Variants in TNXB observed in about 807,000 individuals in gnomAD.
The protein encoded by TNXB is tenascin XB, also known as tenascin-X.
TNXB carries 183 observed loss-of-function variants against 340.5 expected under a neutral mutation model. The ratio of observed to expected loss-of-function variants is 0.54; its 90% CI spans 0.48 to 0.61. The LOEUF (loss-of-function observed/expected upper bound fraction) is 0.61, where lower values mean the gene tolerates loss of function less well. Among genes scored for constraint, TNXB ranks in the 20% least tolerant of loss-of-function variants. The probability of loss-of-function intolerance (pLI) is 0.00; values close to 1 mark genes in which losing one functional copy is unlikely to be tolerated. For missense variants in TNXB, 4,613 were observed against 5,446.4 expected (o/e 0.85, Z 4.82); for synonymous variants, 2,121 against 2,314.5 (o/e 0.92, Z 2.40).
At chr6:32,088,448 G>C (rs1779916333) in intron 6 of TNXB, among the ~76,000 whole-genome samples, 1 of 152,140 alleles carries the variant, frequency 6.6e-6, no homozygotes. Flanking sequence ...AGTCCCACAA[G>C]ATCTATCAGC....
In TNXB at chr6:32,097,109, G is replaced by A. The variant is rs1331944117; in HGVS notation, c.744C>T (p.Ser248=). The change falls in exon 3 of 44, where the codon TCC becomes TCT. Residue 248 remains serine, a synonymous_variant. Coordinates refer to ENST00000644971, the MANE Select transcript of TNXB (RefSeq NM_001365276.2). This position sits in a 1 kb window ranked among gnomAD's most constrained non-coding sequence, Gnocchi z 5.9. The stretch of plus-strand genomic sequence containing the variant: ...CCCTCTGGCTGCAACCTCGAGGGCA[G>A]GAGCGCTGGCTGCAGTCGGGGCCTG... The part of the protein sequence containing the change: ...GFSGPDCSQR[S]CPRGCSQRGR... 1.9e-6 allele frequency: 3 copies of A among 1,612,544 alleles called. No homozygotes were observed. Among genetic ancestry groups the A allele is most frequent in the Admixed American group, 1.7e-5 (1 of 59,842 alleles).
rs1779326829 is a variant in TNXB at position 32,079,669 on chromosome 6, G to A, written c.4043-304C>T. Among the ~76,000 whole-genome samples, 1 of 152,146 alleles carries A rather than the reference G, an allele frequency of 6.6e-6. No individual in the cohort carries two copies. Among genetic ancestry groups the A allele is most frequent in the Admixed American group, 6.5e-5 (1 of 15,288 alleles). ...AGTGCTGACCTCAGACAGTGAGGAG[G>A]GCAGTGAGGCCTCTTCCTACCTGTG... On this transcript the variant is annotated intron_variant, in intron 10 of 43. Coordinates refer to ENST00000644971, the MANE Select transcript of TNXB (RefSeq NM_001365276.2). This position sits in a 1 kb window ranked among gnomAD's most constrained non-coding sequence, Gnocchi z 7.1.
In TNXB at chr6:32,075,343, C is replaced by T. The variant is rs1421462400; in HGVS notation, c.4376-1391G>A. Among the ~76,000 whole-genome samples the T allele has an allele frequency of 1.3e-5, 2 of 152,232 alleles. No homozygotes were observed. Among genetic ancestry groups the T allele is most frequent in the African/African-American group, 4.8e-5 (2 of 41,460 alleles). ...CATCTCTTAGATCATTCCCTATTGC[C>T]TGCCCTCCTCCAACTCCACCACAAA... On this transcript the variant is annotated intron_variant, in intron 11 of 43. Coordinates refer to ENST00000644971, the MANE Select transcript of TNXB (RefSeq NM_001365276.2). This position sits in a 1 kb window ranked among gnomAD's most constrained non-coding sequence, Gnocchi z 4.6.
intron 1 of TNXB, among the ~76,000 whole-genome samples, chr6:32,106,131 T>TGGG (rs527886178): frequency 4.5e-5 from 1 of 22,260 alleles, no homozygotes; most frequent in African/African-American, 1.7e-4. Flanking sequence ...AGTAGGGGCA[T>TGGG]GGGGGGGGGG....
Position 32,069,872 on chromosome 6 carries a change from G to A in TNXB, c.5279-11C>T. On this transcript the variant is annotated splice_polypyrimidine_tract_variant and intron_variant, in intron 14 of 43. Transcript: ENST00000644971. This position sits in a 1 kb window ranked among gnomAD's most constrained non-coding sequence, Gnocchi z 6.2. ...TAGCACTCCGGGCTTCTGAGATGGAGACACGGAGAGGAAACGGCTGAGCTG... is the reference window on the plus strand; with the variant it reads ...TAGCACTCCGGGCTTCTGAGATGGAAACACGGAGAGGAAACGGCTGAGCTG... The A allele has an allele frequency of 6.3e-7, 1 of 1,576,912 alleles. No individual in the cohort carries two copies. The highest frequency in any genetic ancestry group is 8.6e-7 in the Non-Finnish European group (1 of 1,158,712).
chr6:32,091,310 A>G (rs576951319), intron 4 of TNXB, among the ~76,000 whole-genome samples: 1 of 151,826 alleles, frequency 6.6e-6, no homozygotes, highest in Non-Finnish European at 1.5e-5. Flanking sequence ...GGGTTTCTCC[A>G]TGTTGGTCAG....
In TNXB at chr6:32,062,286, T is replaced by C; in HGVS notation, c.7039A>G (p.Thr2347Ala). ...YKNGDGQPKA[T>A]RVPGHEDRVT... Reference sequence around the variant, plus strand: ...CTGTCCTCATGTCCTGGCACCCGTGTTGCCTTGGGCTGCCCATCCCCATTC... The same window carrying C: ...CTGTCCTCATGTCCTGGCACCCGTGCTGCCTTGGGCTGCCCATCCCCATTC... Residue 2347 changes from threonine (T) to alanine (A), a missense_variant, in exon 20 of 44, where the codon ACA becomes GCA. Around this residue, in one of 7 missense-constraint regions of TNXB, gnomAD observed 4,327 missense variants for 4,859.4 expected, o/e 0.89. Coordinates refer to ENST00000644971, the MANE Select transcript of TNXB (RefSeq NM_001365276.2). The surrounding 1 kb of genome is among the most constrained non-coding windows in gnomAD (Gnocchi z 4.3). 2 of 1,613,452 alleles carry C rather than the reference T, an allele frequency of 1.2e-6. No individual in the cohort carries two copies. The highest frequency in any genetic ancestry group is 1.7e-6 in the Non-Finnish European group (2 of 1,179,852).
At chr6:32,091,939 G>T (rs1780092875) in intron 4 of TNXB, among the ~76,000 whole-genome samples, 1 of 152,196 alleles carries the variant, frequency 6.6e-6, no homozygotes, top group South Asian at 2.1e-4. Context: ...GAGGTTTTGA[G>T]TCCCAGTGAA....
intron 11 of TNXB, among the ~76,000 whole-genome samples, chr6:32,077,357 A>G (rs887681512): frequency 6.6e-6 from 1 of 152,266 alleles, no homozygotes; most frequent in Non-Finnish European, 1.5e-5. Context: ...GGTTCTGGAA[A>G]TGAAATCAAC....
chr6:32,079,017 C>A lies in TNXB; in HGVS notation c.4375+16G>T. 5.0e-6 allele frequency: 8 copies of A among 1,606,988 alleles called. No homozygotes were observed. Among genetic ancestry groups the A allele is most frequent in the Non-Finnish European group, 6.8e-6 (8 of 1,177,114 alleles). On this transcript the variant is annotated intron_variant, in intron 11 of 43. Coordinates refer to ENST00000644971, the MANE Select transcript of TNXB (RefSeq NM_001365276.2). The surrounding 1 kb of genome is among the most constrained non-coding windows in gnomAD (Gnocchi z 7.1). ...CAGTGGGAGGGAACCAAAGCAGGCC[C>A]CTGCCCCTCACTCACCTGTCACGCC...
chr6:32,097,641 C>G lies in TNXB; in HGVS notation c.403+155G>C, dbSNP rs1223704086. ...CGCATATGCTTTGGTTGACATGTAG[C>G]CCAGCTCTGCTCTCCAAGTTGTGTT... On this transcript the variant is annotated intron_variant, in intron 2 of 43. Transcript: ENST00000644971. This position sits in a 1 kb window ranked among gnomAD's most constrained non-coding sequence, Gnocchi z 5.9. The G allele has an allele frequency of 9.0e-7, 1 of 1,112,558 alleles. No individual in the cohort carries two copies. Among genetic ancestry groups the G allele is most frequent in the Non-Finnish European group, 1.2e-6 (1 of 805,512 alleles). The allele number at this position is 1,112,558 out of a possible 1,614,324, so 68.9% of individuals were successfully genotyped here.
In TNXB at chr6:32,081,399, A is replaced by G; in HGVS notation, c.4011T>C (p.Arg1337=). 2 of 1,543,256 alleles carry G rather than the reference A, an allele frequency of 1.3e-6. No individual in the cohort carries two copies. Among genetic ancestry groups the G allele is most frequent in the Non-Finnish European group, 1.8e-6 (2 of 1,142,156 alleles). ...TGGCCACCACAGACTCGGGCCCCAC[A>G]CGCTGCCTGCCACGAAGCCCGTAGA... ...MNLYGLRGRQ[R]VGPESVVAKT... The change falls in exon 10 of 44, where the codon CGT becomes CGC. Residue 1337 remains arginine, a synonymous_variant. Coordinates refer to ENST00000644971, the MANE Select transcript of TNXB (RefSeq NM_001365276.2). The surrounding 1 kb of genome is among the most constrained non-coding windows in gnomAD (Gnocchi z 5.1).
chr6:32,061,452 C>T lies in TNXB; in HGVS notation c.7437G>A (p.Leu2479=), dbSNP rs1420657155. 3.1e-6 allele frequency: 5 copies of T among 1,613,348 alleles called. No individual in the cohort carries two copies. The highest frequency in any genetic ancestry group is 4.2e-6 in the Non-Finnish European group (5 of 1,179,858). The change falls in exon 21 of 44, where the codon CTG becomes CTA. Residue 2479 remains leucine (L), a synonymous_variant. Coordinates refer to ENST00000644971, the MANE Select transcript of TNXB (RefSeq NM_001365276.2). This position sits in a 1 kb window ranked among gnomAD's most constrained non-coding sequence, Gnocchi z 4.4. ...CGCGCCGCCCCTCGTGGAGGCCATA[C>T]AGGTGCATCTTGTATTTGCGCCCAG... ...LEPGRKYKMH[L]YGLHEGRRVG...
At chr6:32,086,159 T>A (rs1779765061) in intron 6 of TNXB, 41 bp from the exon 7 acceptor site, 1 of 1,449,002 alleles carries the variant, frequency 6.9e-7, no homozygotes, top group Admixed American at 2.7e-5. Flanking sequence ...GAGTCCAGTA[T>A]GAGAACTAGA....
intron 1 of TNXB, 140 bp from the exon 2 acceptor site, chr6:32,098,346 C>T (rs1381815026): frequency 1.5e-5 from 10 of 673,418 alleles, no homozygotes; most frequent in Non-Finnish European, 2.1e-5. Context: ...TCACATTCCG[C>T]CCAACCCTAA....
chr6:32,083,575 T>TTTCCTTC lies in TNXB; in HGVS notation c.3445+837_3445+838insGAAGGAA, dbSNP rs1779597482. Among the ~76,000 whole-genome samples, 16 of 152,208 alleles carry TTTCCTTC rather than the reference T, an allele frequency of 1.1e-4. No individual in the cohort carries two copies. The highest frequency in any genetic ancestry group is 1.0e-3 in the Admixed American group (16 of 15,276). ...CTGTCTCATCCAGAACCCTGGGGGC[T>TTTCCTTC]GCCTGGTACACCTTGCTTTCCTTCG... On this transcript the variant is annotated intron_variant, in intron 8 of 43. Coordinates refer to ENST00000644971, the MANE Select transcript of TNXB (RefSeq NM_001365276.2). The surrounding 1 kb of genome is among the most constrained non-coding windows in gnomAD (Gnocchi z 4.6).
rs767391491 is a variant in TNXB, at chr6:32,083,082, T to C, written c.3446-756A>G. 6.6e-6 allele frequency among the ~76,000 whole-genome samples: 1 copy of C among 152,162 alleles called. No homozygotes were observed. Among genetic ancestry groups the C allele is most frequent in the Admixed American group, 6.5e-5 (1 of 15,282 alleles). On this transcript the variant is annotated intron_variant, in intron 8 of 43. Transcript: ENST00000644971. The surrounding 1 kb of genome is among the most constrained non-coding windows in gnomAD (Gnocchi z 4.6). ...CCCCTCCACCAGGCAGCAGCTCTCA[T>C]GCAGGCCAGGGGTGGCCTTGCCATT...
At chr6:32,066,895 C>A (rs552177361) in intron 18 of TNXB, among the ~76,000 whole-genome samples, 1 of 152,130 alleles carries the variant, frequency 6.6e-6, no homozygotes, top group South Asian at 2.1e-4. Flanking sequence ...CATGGCTAAA[C>A]CCTGTCTCTA....
intron 1 of TNXB, among the ~76,000 whole-genome samples, chr6:32,104,643 C>CT (rs890237484): frequency 3.9e-4 from 59 of 149,578 alleles, no homozygotes; most frequent in South Asian, 8.5e-4. Flanking sequence ...CTTTTTTTTT[C>CT]TTTTTTTTTG....
Sources: gnomAD v4.1 joint callset for allele counts (sites outside exome capture counted in the v4.1 genomes callset) on GRCh38, gnomAD v4.1.1 for gene constraint, gnomAD v4.1.1 regional missense constraint, Gnocchi (gnomAD v3.1) non-coding constraint, MANE v1.5 for transcripts, NCBI Gene and HGNC (gene_info 2026-07-23, HGNC 2026-07-21) for gene names.